PLEKHO2: variants seen among roughly 807,000 people sequenced by gnomAD.
The protein encoded by PLEKHO2 is pleckstrin homology domain-containing family O member 2.
PLEKHO2 carries 20 observed loss-of-function variants against 32.7 expected under a neutral mutation model. The observed-to-expected ratio is 0.61, with a 90% CI of 0.43 to 0.89. The LOEUF is 0.89. PLEKHO2 is among the 40% of genes least tolerant of loss of function. The pLI, the probability that PLEKHO2 is intolerant of heterozygous loss-of-function variation, is 0.00. For synonymous variants in PLEKHO2, 247 were observed against 246.3 expected (o/e 1.00, Z -0.03); for missense variants, 568 against 621.2 (o/e 0.91, Z 0.91).
At chr15:64,856,331 G>A (rs557536170) in intron 3 of PLEKHO2, among the ~76,000 whole-genome samples, 2 of 152,202 alleles carry the variant, frequency 1.3e-5, no homozygotes, top group East Asian at 3.9e-4. Flanking sequence ...TGGCCCTTAT[G>A]TGTGTATCTT....
chr15:64,861,440 G>C, intron 4 of PLEKHO2, 37 bp from the exon 5 acceptor site: 1 of 1,519,452 alleles, frequency 6.6e-7, no homozygotes, highest in South Asian at 1.2e-5. Context: ...ACTCCCCAAG[G>C]CTTGGCAGGG....
intron 1 of PLEKHO2, among the ~76,000 whole-genome samples, chr15:64,843,129 AG>A (rs1291320328): frequency 2.0e-5 from 3 of 152,146 alleles, no homozygotes; most frequent in African/African-American, 7.2e-5. Context: ...CCACTTTTCC[AG>A]GGCCATGGAT....
chr15:64,856,515 C>T (rs924480263), intron 3 of PLEKHO2, among the ~76,000 whole-genome samples: 2 of 152,170 alleles, frequency 1.3e-5, no homozygotes, highest in Middle Eastern at 3.2e-3. Context: ...ACTAGGTGGG[C>T]TTGGCTCAGC....
At chr15:64,851,343 G>A (rs2084567126) in intron 2 of PLEKHO2, among the ~76,000 whole-genome samples, 1 of 152,156 alleles carries the variant, frequency 6.6e-6, no homozygotes, top group Admixed American at 6.5e-5. Context: ...AGCCTGTCAG[G>A]TACTGTCAGA....
Position 64,865,749 on chromosome 15 carries a change from G to T in PLEKHO2, c.1334G>T (p.Ser445Ile), listed in dbSNP as rs143349495. 51 of 1,614,230 alleles carry T rather than the reference G, an allele frequency of 3.2e-5. No homozygotes were observed. The African/African-American group carries it at 6.4e-4, about 20-fold the overall frequency. Residue 445 changes from serine (S) to isoleucine (I), a missense_variant, in exon 6 of 6, where the codon AGC becomes ATC. Transcript: ENST00000323544. ...CCTGTTAGTGCCGAAACATTGCTCA[G>T]CCAGGCTGTGGAGCAGCTGAGGCAG... Reference protein sequence around the residue: ...PAPVSAETLLSQAVEQLRQAT... With the variant: ...PAPVSAETLLIQAVEQLRQAT...
At chr15:64,862,901 A>T (rs1214841062) in intron 5 of PLEKHO2, among the ~76,000 whole-genome samples, 1 of 149,292 alleles carries the variant, frequency 6.7e-6, no homozygotes, top group Non-Finnish European at 1.5e-5. Flanking sequence ...AGCATTAGTT[A>T]TATCTCCTAA....
Position 64,866,495 on chromosome 15 carries a change from A to C in PLEKHO2, c.*607A>C. 1 of 414,120 alleles carries C rather than the reference A, an allele frequency of 2.4e-6. No individual in the cohort carries two copies. The highest frequency in any genetic ancestry group is 4.9e-6 in the Non-Finnish European group (1 of 205,166). 25.7% of individuals were successfully genotyped at this position (414,120 alleles called of 1,614,324 possible). A position where few individuals can be genotyped will look rare whatever the true frequency, so the allele number is the denominator to read the frequency against. Reference sequence around the variant, plus strand: ...GATGAGAGGCCTCTTTGTGAGGAGGACATTAGCTGTGTGGCCTCTCTCTCT... The same window carrying C: ...GATGAGAGGCCTCTTTGTGAGGAGGCCATTAGCTGTGTGGCCTCTCTCTCT... On this transcript the variant is annotated 3_prime_UTR_variant, in exon 6 of 6. Transcript: ENST00000323544.
chr15:64,854,299 G>A (rs2084591359), intron 2 of PLEKHO2, among the ~76,000 whole-genome samples: 3 of 152,194 alleles, frequency 2.0e-5, no homozygotes, highest in Admixed American at 6.5e-5. Flanking sequence ...GTGGGGTGGG[G>A]ATGGGATGCG....
Position 64,846,315 on chromosome 15 carries a change from C to T in PLEKHO2, c.13-2278C>T, listed in dbSNP as rs373293293. Among the ~76,000 whole-genome samples the T allele has an allele frequency of 5.2e-3, 792 of 151,808 alleles. 70 individuals carry two copies. In the South Asian group the frequency reaches 0.16, roughly 30 times the overall value. On this transcript the variant is annotated intron_variant, in intron 1 of 5. Coordinates refer to ENST00000323544, the MANE Select transcript of PLEKHO2 (RefSeq NM_025201.5). ...TTCCTTGTTCCTATATCTGGGAAGA[C>T]CTTTTTTTTTTTTCGGAGACAGGGC...
rs780514144 is a variant in PLEKHO2 at position 64,864,891 on chromosome 15, C to CT, written c.484-8_484-7insT. The stretch of plus-strand genomic sequence containing the variant: ...AAGATGACACCCATATACCATCCCC[C>CT]CCACCAGGTGGCCAGTGCAGCTTCT... On this transcript the variant is annotated splice_region_variant and splice_polypyrimidine_tract_variant and intron_variant, in intron 5 of 5. Transcript: ENST00000323544. 1.9e-6 allele frequency: 3 copies of CT among 1,579,590 alleles called. No homozygotes were observed. The highest frequency in any genetic ancestry group is 2.2e-5 in the East Asian group (1 of 44,594).
intron 1 of PLEKHO2, among the ~76,000 whole-genome samples, 199 bp downstream of exon 1, chr15:64,842,227 G>A (rs2084489660): frequency 6.6e-6 from 1 of 152,240 alleles, no homozygotes; most frequent in Admixed American, 6.5e-5. Context: ...CTTCATTCTC[G>A]CTGACTTTCT....
At chr15:64,847,591 C>A (rs1046558748) in intron 1 of PLEKHO2, among the ~76,000 whole-genome samples, 2 of 152,048 alleles carry the variant, frequency 1.3e-5, no homozygotes, top group Non-Finnish European at 2.9e-5. Flanking sequence ...TGGATCTGAC[C>A]CCAACCTTAT....
chr15:64,852,578 G>C (rs1295836743), intron 2 of PLEKHO2, among the ~76,000 whole-genome samples: 16 of 152,030 alleles, frequency 1.1e-4, no homozygotes, highest in Admixed American at 1.0e-3. Context: ...GTTTTTAAAA[G>C]CTCCCAGGTG....
chr15:64,844,979 C>T (rs900834710), intron 1 of PLEKHO2, among the ~76,000 whole-genome samples: 5 of 152,194 alleles, frequency 3.3e-5, no homozygotes, highest in Admixed American at 1.3e-4. Flanking sequence ...GAAGGTTGCC[C>T]TGGGGCAGAG....
In PLEKHO2 at chr15:64,851,186, A is replaced by G. The variant is rs187109386; in HGVS notation, c.162+2444A>G. Among the ~76,000 whole-genome samples, 25 of 152,290 alleles carry G rather than the reference A, an allele frequency of 1.6e-4. No individual in the cohort carries two copies. In the East Asian group the frequency reaches 1.7e-3, roughly 11 times the overall value. On this transcript the variant is annotated intron_variant, in intron 2 of 5. Coordinates refer to ENST00000323544, the MANE Select transcript of PLEKHO2 (RefSeq NM_025201.5). ...GAGGGTGCGTAGACAGCACCCCCAG[A>G]TGTTCTCTACTGCTGCTCCCACCAA... is the stretch of plus-strand genomic sequence containing the variant.
chr15:64,854,829 C>T, intron 2 of PLEKHO2, 92 bp from the exon 3 acceptor site: 1 of 985,032 alleles, frequency 1.0e-6, no homozygotes, highest in East Asian at 2.5e-5. Flanking sequence ...GATGTCCTCG[C>T]TGAGTGGGAT....
intron 2 of PLEKHO2, among the ~76,000 whole-genome samples, chr15:64,853,071 A>G (rs1424712143): frequency 6.7e-6 from 1 of 150,066 alleles, no homozygotes; most frequent in Non-Finnish European, 1.5e-5. Context: ...CCCAGGAGGC[A>G]GAGGTTGCAG....
At chr15:64,844,059 G>A (rs139141362) in intron 1 of PLEKHO2, among the ~76,000 whole-genome samples, 27 of 152,206 alleles carry the variant, frequency 1.8e-4, no homozygotes, top group African/African-American at 6.3e-4. Context: ...AGTAGCTTCC[G>A]CTTGTTGCAC....
chr15:64,843,727 T>G (rs895165621), intron 1 of PLEKHO2, among the ~76,000 whole-genome samples: 8 of 152,000 alleles, frequency 5.3e-5, no homozygotes, highest in African/African-American at 1.7e-4. Context: ...ATTACAGGCA[T>G]GCACCACCAC....
Sources: allele counts gnomAD v4.1 joint callset (sites outside exome capture counted in the v4.1 genomes callset), GRCh38; gene constraint gnomAD v4.1.1; transcripts MANE v1.5; gene names NCBI Gene and HGNC (gene_info 2026-07-23, HGNC 2026-07-21).